Variants in FCRL2 observed in about 807,000 individuals in gnomAD.
FCRL2 encodes the protein Fc receptor like 2.
In FCRL2, 48 loss-of-function variants were observed where a neutral mutation model predicts 59.8. The ratio of observed to expected loss-of-function variants is 0.80; its 90% confidence interval spans 0.64 to 1.02. The LOEUF (loss-of-function observed/expected upper bound fraction) is 1.02. Among genes scored for constraint, FCRL2 ranks in the 50% least tolerant of loss-of-function variants. FCRL2 has a pLI of 0.00. For missense variants in FCRL2, 658 were observed against 597.3 expected, an observed-to-expected ratio of 1.10 and a Z score of -1.06; for synonymous variants, 251 against 229.5, an observed-to-expected ratio of 1.09 and a Z score of -0.85.
At chr1:157,766,710 G>A in intron 7 of FCRL2, 145 bp downstream of exon 7, 1 of 1,355,034 alleles carries the variant, frequency 7.4e-7, no homozygotes, top group Non-Finnish European at 1.0e-6. Flanking sequence ...GCATTGCACA[G>A]AGCCTTGCAG....
chr1:157,762,313 T>C (rs952508884), intron 7 of FCRL2, among the ~76,000 whole-genome samples: 2 of 152,210 alleles, frequency 1.3e-5, no homozygotes, highest in Non-Finnish European at 2.9e-5. Context: ...AGGGTGGACC[T>C]GCCACTGCCA....
At chr1:157,768,266 C>G (rs1649680224) in intron 5 of FCRL2, 148 bp downstream of exon 5, 10 of 710,648 alleles carry the variant, frequency 1.4e-5, no homozygotes, top group Middle Eastern at 6.1e-4. Context: ...GGTCAGCAGT[C>G]TAACCTGCAA....
intron 5 of FCRL2, 56 bp from the exon 6 acceptor site, chr1:157,767,565 A>G: frequency 1.2e-6 from 2 of 1,614,248 alleles, no homozygotes. Flanking sequence ...ATAGATTCAC[A>G]AACTCCCAAC....
rs201686027 is a variant in FCRL2 at position 157,768,659 on chromosome 1, C to T, written c.638G>A (p.Gly213Glu). The T allele has an allele frequency of 1.5e-5, 25 of 1,613,944 alleles. No individual in the cohort carries two copies. In the East Asian group the frequency reaches 1.6e-4, roughly 10 times the overall value. The change falls in exon 5 of 12, where the codon GGG becomes GAG. Residue 213 changes from glycine to glutamate, a missense_variant. Coordinates refer to ENST00000361516, the MANE Select transcript of FCRL2 (RefSeq NM_030764.4). ...SNVSLEIRAP[G>E]GQVTEGQKLI... Reference sequence around the variant, plus strand: ...TTTTTGTCCTTCAGTCACCTGTCCCCCGGGGGCCCGGATCTCCAAGCTTAC... The same window carrying T: ...TTTTTGTCCTTCAGTCACCTGTCCCTCGGGGGCCCGGATCTCCAAGCTTAC...
chr1:157,766,039 A>G lies in FCRL2; in HGVS notation c.1279+816T>C, dbSNP rs1315574564. ...AAACTGCAAACTATGGCCAGCATCA[A>G]TGGCCAGACATGTGGGTGAAGATGG... On this transcript the variant is annotated intron_variant, in intron 7 of 11. Transcript: ENST00000361516. Among the ~76,000 whole-genome samples, 3 of 152,328 alleles carry G rather than the reference A, an allele frequency of 2.0e-5. No individual in the cohort carries two copies. In the East Asian group the frequency reaches 5.8e-4, roughly 29 times the overall value.
rs1557865360 is a variant in FCRL2 at position 157,767,344 on chromosome 1, CCTCCAGAGGGGGCCGAGCTG to C, written c.1029_1048del (p.Asn343LysfsTer20). 6.2e-7 allele frequency: 1 copy of C among 1,614,232 alleles called. No individual in the cohort carries two copies. Among genetic ancestry groups the C allele is most frequent in the South Asian group, 1.1e-5 (1 of 91,086 alleles). ...CAAAGAGAGGTTGAAGGAGGCCCCT[CCTCCAGAGGGGGCCGAGCTG>C]TTCCCAAGGGTGACATCCTCATGAT... On this transcript the variant is annotated frameshift_variant, in exon 6 of 12. Coordinates refer to ENST00000361516, the MANE Select transcript of FCRL2 (RefSeq NM_030764.4). LOFTEE classifies it high-confidence loss of function.
chr1:157,751,192 A>G (rs949338181), intron 7 of FCRL2, among the ~76,000 whole-genome samples: 8 of 152,224 alleles, frequency 5.3e-5, no homozygotes, highest in Non-Finnish European at 1.2e-4. Flanking sequence ...AAATATTGGT[A>G]GATCAAATAA....
At chr1:157,750,785 T>C (rs1648128418) in intron 7 of FCRL2, among the ~76,000 whole-genome samples, 1 of 152,198 alleles carries the variant, frequency 6.6e-6, no homozygotes, top group African/African-American at 2.4e-5. Context: ...ATGTATTAAA[T>C]TAGTGTATAT....
chr1:157,751,229 G>T (rs189972035), intron 7 of FCRL2, among the ~76,000 whole-genome samples: 2 of 152,260 alleles, frequency 1.3e-5, no homozygotes, highest in South Asian at 2.1e-4. Flanking sequence ...TACCATACAG[G>T]AGATAGAGGC....
intron 2 of FCRL2, among the ~76,000 whole-genome samples, chr1:157,775,508 A>G (rs1342395548): frequency 6.6e-6 from 1 of 152,208 alleles, no homozygotes; most frequent in Non-Finnish European, 1.5e-5. Context: ...TCTTTTCTTC[A>G]ATCTGCATGT....
chr1:157,775,318 G>A (rs1051452746), intron 2 of FCRL2, among the ~76,000 whole-genome samples: 7 of 152,180 alleles, frequency 4.6e-5, no homozygotes, highest in Admixed American at 1.3e-4. Context: ...GCTGATTCCT[G>A]AGCTAGAGCT....
intron 7 of FCRL2, among the ~76,000 whole-genome samples, chr1:157,766,170 A>T (rs1433297923): frequency 6.6e-6 from 1 of 152,216 alleles, no homozygotes; most frequent in African/African-American, 2.4e-5. Flanking sequence ...AAAAGAGCAC[A>T]TTAAATTGTT....
Position 157,768,496 on chromosome 1 carries a change from C to G in FCRL2, c.801G>C (p.Glu267Asp). 5.6e-6 allele frequency: 9 copies of G among 1,614,252 alleles called. No homozygotes were observed. The highest frequency in any genetic ancestry group is 7.6e-6 in the Non-Finnish European group (9 of 1,180,048). ...TACAGTAATATTTGCCGGCATCACT[C>G]TCTTTCACAGCTGGGATCTCCAGCT... is the stretch of plus-strand genomic sequence containing the variant. ...SAELEIPAVK[E>D]SDAGKYYCRA... Residue 267 changes from glutamate (E) to aspartate (D), a missense_variant, in exon 5 of 12, where the codon GAG (glutamate) becomes GAC (aspartate). Glu to Asp is a conservative substitution (Grantham distance 45). Coordinates refer to ENST00000361516, the MANE Select transcript of FCRL2 (RefSeq NM_030764.4).
intron 1 of FCRL2, among the ~76,000 whole-genome samples, chr1:157,776,398 T>C (rs1356098932): frequency 6.6e-6 from 1 of 152,012 alleles, no homozygotes; most frequent in Non-Finnish European, 1.5e-5. Flanking sequence ...GCTTCCCGAG[T>C]AGCTGGAATT....
At chr1:157,762,625 C>G (rs1326583897) in intron 7 of FCRL2, among the ~76,000 whole-genome samples, 1 of 152,154 alleles carries the variant, frequency 6.6e-6, no homozygotes, top group Non-Finnish European at 1.5e-5. Context: ...GCAAAAAGGT[C>G]TTTTCCATGG....
chr1:157,774,924 A>G (rs1038659761), intron 2 of FCRL2, among the ~76,000 whole-genome samples: 7 of 152,168 alleles, frequency 4.6e-5, no homozygotes, highest in Admixed American at 3.3e-4. Context: ...CTTTCTTTAG[A>G]TTTTGTCTTG....
chr1:157,746,664 A>G lies in FCRL2; in HGVS notation c.*72T>C. On this transcript the variant is annotated 3_prime_UTR_variant, in exon 12 of 12. Coordinates refer to ENST00000361516, the MANE Select transcript of FCRL2 (RefSeq NM_030764.4). ...CAGGTGATAAGCCTCAAGCATTTTC[A>G]TAAGGTTTTATAGCAAGTCTTAATG... 6.6e-7 allele frequency: 1 copy of G among 1,513,768 alleles called. No individual in the cohort carries two copies. Among genetic ancestry groups the G allele is most frequent in the Non-Finnish European group, 9.2e-7 (1 of 1,091,372 alleles). 93.8% of individuals were successfully genotyped at this position (1,513,768 alleles called of 1,614,324 possible). A position where few individuals can be genotyped will look rare whatever the true frequency, so the allele number is the denominator to read the frequency against.
rs559480846 is a variant in FCRL2 at position 157,767,600 on chromosome 1, CCCCATGGCTGTTGCATATTTTCCATT to C, written c.884-117_884-92del. On this transcript the variant is annotated intron_variant, in intron 5 of 11. Transcript: ENST00000361516. ...CCTGCAGGCTCAGCAAAGGGCCTGGCCCCATGGCTGTTGCATATTTTCCATTCCCACATTCCCACTAGAACAGTTAG... is the reference window on the plus strand; with the variant it reads ...CCTGCAGGCTCAGCAAAGGGCCTGGCCCCACATTCCCACTAGAACAGTTAG... 37 of 1,614,050 alleles carry C rather than the reference CCCCATGGCTGTTGCATATTTTCCATT, an allele frequency of 2.3e-5. 1 individual carries two copies. The South Asian group carries it at 3.2e-4, about 14-fold the overall frequency.
rs1472540867 is a variant in FCRL2, at chr1:157,745,839, C to G, written c.*897G>C. On this transcript the variant is annotated 3_prime_UTR_variant, in exon 12 of 12. Transcript: ENST00000361516. ...AAAATCACATTTTTGCAACTATATG[C>G]ATACTTTGGTGATATTGCAGGTTCA... is the stretch of plus-strand genomic sequence containing the variant. 2.6e-5 allele frequency: 4 copies of G among 152,176 alleles called. No homozygotes were observed. The highest frequency in any genetic ancestry group is 4.4e-5 in the Non-Finnish European group (3 of 68,030). The allele number at this position is 152,176 out of a possible 1,614,324, so 9.4% of individuals were successfully genotyped here.
Sources: gnomAD v4.1 joint callset for allele counts (sites outside exome capture counted in the v4.1 genomes callset) on GRCh38, gnomAD v4.1.1 for gene constraint, MANE v1.5 for transcripts, NCBI Gene and HGNC (gene_info 2026-07-23, HGNC 2026-07-21) for gene names.